ZNF273: variants seen among roughly 807,000 people sequenced by gnomAD.
ZNF273 encodes the protein zinc finger protein 273.
A neutral mutation model predicts 14.9 loss-of-function variants in ZNF273; 11 were observed. The ratio of observed to expected loss-of-function variants is 0.74; its 90% CI spans 0.46 to 1.22. The LOEUF (loss-of-function observed/expected upper bound fraction) is 1.22. Among genes scored for constraint, ZNF273 ranks in the 50% most tolerant of loss-of-function variants. The pLI is 0.00. For missense variants in ZNF273, 577 were observed against 660.6 expected (o/e 0.87, Z 1.39); for synonymous variants, 199 against 223.9 (o/e 0.89, Z 0.99).
intron 1 of ZNF273, among the ~76,000 whole-genome samples, chr7:64,906,733 C>G (rs547083156): frequency 8.5e-5 from 13 of 152,066 alleles, no homozygotes; most frequent in African/African-American, 2.9e-4. Flanking sequence ...CAGGCAGATG[C>G]AGTTAAAGTT....
chr7:64,928,209 A>G lies in ZNF273; in HGVS notation c.881A>G (p.Asp294Gly), dbSNP rs764641674. 6.2e-7 allele frequency: 1 copy of G among 1,613,518 alleles called. No homozygotes were observed. The highest frequency in any genetic ancestry group is 1.7e-5 in the Admixed American group (1 of 59,916). ...HTEEKPYKCE[D>G]CGKVFSVFSV... is the part of the protein sequence containing the mutation. Reference sequence around the variant, plus strand: ...GAAGAGAAACCTTACAAATGTGAAGATTGTGGCAAAGTCTTTAGTGTATTT... The same window carrying G: ...GAAGAGAAACCTTACAAATGTGAAGGTTGTGGCAAAGTCTTTAGTGTATTT... Residue 294 changes from aspartate (D) to glycine (G), a missense_variant, in exon 4 of 4, where the codon GAT (aspartate) becomes GGT (glycine). This residue lies in a region of ZNF273 where 411 missense variants were observed against 440.4 expected (regional missense o/e 0.93). Coordinates refer to ENST00000476120, the MANE Select transcript of ZNF273 (RefSeq NM_021148.3).
intron 3 of ZNF273, among the ~76,000 whole-genome samples, chr7:64,919,671 AT>A (rs1794288162): frequency 6.6e-6 from 1 of 152,180 alleles, no homozygotes; most frequent in South Asian, 2.1e-4. Flanking sequence ...CTTCTCAGAA[AT>A]TTATGATTTA....
chr7:64,915,744 G>A (rs1793929835), intron 1 of ZNF273, among the ~76,000 whole-genome samples: 2 of 152,190 alleles, frequency 1.3e-5, no homozygotes, highest in African/African-American at 2.4e-5. Flanking sequence ...AGATTTTGGG[G>A]GGCCTGTTTC....
At chr7:64,883,023 C>T (rs1046568878), downstream of ZNF273, among the ~76,000 whole-genome samples, 2 of 152,156 alleles carry the variant, frequency 1.3e-5, no homozygotes, top group Non-Finnish European at 2.9e-5. Flanking sequence ...GTGAAGGCGG[C>T]GTCCGCTGAA....
upstream of ZNF273, among the ~76,000 whole-genome samples, chr7:64,898,362 CGTTT>C (rs1792487197): frequency 6.6e-6 from 1 of 152,142 alleles, no homozygotes; most frequent in East Asian, 1.9e-4. Flanking sequence ...GAAGAACACT[CGTTT>C]GAGTGTTCTT....
intron 1 of ZNF273, among the ~76,000 whole-genome samples, chr7:64,908,303 A>T (rs1793257465): frequency 6.6e-6 from 1 of 152,188 alleles, no homozygotes; most frequent in Non-Finnish European, 1.5e-5. Context: ...TATATACATA[A>T]AATTGTGTTG....
upstream of ZNF273, chr7:64,903,263 C>T (rs1350027611): frequency 4.0e-5 from 57 of 1,438,974 alleles, no homozygotes; most frequent in Non-Finnish European, 5.3e-5. Context: ...CGGGATTTGG[C>T]GGGGCCTTTG....
downstream of ZNF273, among the ~76,000 whole-genome samples, chr7:64,932,063 A>C (rs1344064799): frequency 1.3e-5 from 2 of 152,050 alleles, no homozygotes; most frequent in Admixed American, 1.3e-4. Context: ...ATGGTAATTT[A>C]GTAAGTTTTG....
chr7:64,896,022 T>C (rs1752594880), intron 3 of ZNF273, among the ~76,000 whole-genome samples: 1 of 152,054 alleles, frequency 6.6e-6, no homozygotes, highest in African/African-American at 2.4e-5. Flanking sequence ...CTTTTCTTTT[T>C]TTTTTTGAGA....
chr7:64,889,737 C>A, downstream of ZNF273: 1 of 985,912 alleles, frequency 1.0e-6, no homozygotes, highest in South Asian at 4.7e-5. This position sits in a 1 kb window ranked among gnomAD's most constrained non-coding sequence, Gnocchi z 4.2. Context: ...CACCGAGCAC[C>A]ATCCACGCTC....
chr7:64,920,765 C>T (rs1213912268), intron 3 of ZNF273, among the ~76,000 whole-genome samples: 1 of 152,084 alleles, frequency 6.6e-6, no homozygotes, highest in Non-Finnish European at 1.5e-5. Flanking sequence ...TCTTTAAAGG[C>T]ACTTATTTTG....
chr7:64,933,766 CATAAA>C (rs1192267504), downstream of ZNF273: 1 of 152,114 alleles, frequency 6.6e-6, no homozygotes, highest in East Asian at 1.9e-4. Flanking sequence ...TTTGATGTGA[CATAAA>C]ATGCATTTTT....
downstream of ZNF273, chr7:64,893,682 T>TCCTCTC: frequency 1.5e-5 from 1 of 68,320 alleles, no homozygotes; most frequent in Admixed American, 1.9e-4. Context: ...TCCCCACCCC[T>TCCTCTC]CCCCTCCCCC....
At chr7:64,880,654 C>G (rs1370928831), downstream of ZNF273, among the ~76,000 whole-genome samples, 1 of 152,030 alleles carries the variant, frequency 6.6e-6, no homozygotes, top group Non-Finnish European at 1.5e-5. Context: ...GTGTCCTTTA[C>G]TTTTTCTGTG....
chr7:64,934,454 G>A (rs1461597785), downstream of ZNF273, among the ~76,000 whole-genome samples: 1 of 152,076 alleles, frequency 6.6e-6, no homozygotes, highest in East Asian at 1.9e-4. Context: ...AGAGATTCAG[G>A]ACTTACATTT....
downstream of ZNF273, chr7:64,893,672 TC>T (rs1792174596): frequency 1.4e-5 from 1 of 70,902 alleles, no homozygotes; most frequent in African/African-American, 5.9e-5. Context: ...CCCGTCCCCC[TC>T]CCCACCCCTC....
rs1218857085 is a variant in ZNF273, at chr7:64,929,694, C to G, written c.*656C>G. 6.6e-6 allele frequency: 1 copy of G among 152,090 alleles called. No homozygotes were observed. Among genetic ancestry groups the G allele is most frequent in the Non-Finnish European group, 1.5e-5 (1 of 68,020 alleles). 9.4% of individuals were successfully genotyped at this position (152,090 alleles called of 1,614,324 possible). Reference sequence around the variant, plus strand: ...GCTGAGTACAGAAAGTTATCCAAAACAAAAGTTGGTAGATAACTAATAGTG... The same window carrying G: ...GCTGAGTACAGAAAGTTATCCAAAAGAAAAGTTGGTAGATAACTAATAGTG... On this transcript the variant is annotated 3_prime_UTR_variant, in exon 4 of 4. Coordinates refer to ENST00000476120, the MANE Select transcript of ZNF273 (RefSeq NM_021148.3).
chr7:64,934,267 ACTTTT>A (rs1584024167), downstream of ZNF273, among the ~76,000 whole-genome samples: 1 of 151,672 alleles, frequency 6.6e-6, no homozygotes, highest in African/African-American at 2.4e-5. Context: ...CCCATTTTTT[ACTTTT>A]CTTGTCCTGT....
At chr7:64,932,224 T>TA (rs34367766), downstream of ZNF273, among the ~76,000 whole-genome samples, 114,284 of 146,800 alleles carry the variant, frequency 0.78, 44,230 homozygotes, top group East Asian at 0.9. Flanking sequence ...TAACTGTTTG[T>TA]AAAAAAAAAA....
Sources: gnomAD v4.1 joint callset for allele counts (sites outside exome capture counted in the v4.1 genomes callset) on GRCh38, gnomAD v4.1.1 for gene constraint, gnomAD v4.1.1 regional missense constraint, Gnocchi (gnomAD v3.1) non-coding constraint, MANE v1.5 for transcripts, NCBI Gene and HGNC (gene_info 2026-07-23, HGNC 2026-07-21) for gene names.